Variants in SATB1 observed in about 807,000 individuals in gnomAD.
The protein encoded by SATB1 is DNA-binding protein SATB1.
SATB1 carries 11 observed loss-of-function variants against 86.9 expected under a neutral mutation model. The ratio of observed to expected loss-of-function variants is 0.13; its 90% CI spans 0.08 to 0.21. SATB1 has a LOEUF of 0.21. Ranked by LOEUF, SATB1 falls within the 10% of genes least tolerant of loss-of-function variation. The pLI is 1.00. For missense variants in SATB1, 551 were observed against 937.6 expected (o/e 0.59, Z 5.39); for synonymous variants, 357 against 357.2 (o/e 1.00, Z 0.01).
rs571054394 is a variant in SATB1 at position 18,346,868 on chromosome 3, T to G, written c.*2302A>C. 107 of 152,298 alleles carry G rather than the reference T, an allele frequency of 7.0e-4. No individual in the cohort carries two copies. Among genetic ancestry groups the G allele is most frequent in the African/African-American group, 2.5e-3 (106 of 41,580 alleles). 9.4% of individuals were successfully genotyped at this position (152,298 alleles called of 1,614,324 possible). On this transcript the variant is annotated 3_prime_UTR_variant, in exon 11 of 11. Coordinates refer to ENST00000338745, the MANE Select transcript of SATB1 (RefSeq NM_002971.6). ...GAGTTTCTATTTTATTTCCTATTTT[T>G]TAAATACATGAAACCTAGTTTCTAT...
chr3:18,414,476 C>A (rs1382596034), intron 5 of SATB1, among the ~76,000 whole-genome samples: 9 of 151,656 alleles, frequency 5.9e-5, no homozygotes, highest in African/African-American at 2.2e-4. Flanking sequence ...TTAAAAATCC[C>A]TGATGGTATA....
Position 18,348,969 on chromosome 3 carries a change from C to T in SATB1, c.*201G>A, listed in dbSNP as rs183014127. On this transcript the variant is annotated 3_prime_UTR_variant, in exon 11 of 11. Coordinates refer to ENST00000338745, the MANE Select transcript of SATB1 (RefSeq NM_002971.6). ...ACAATCCTTGATGCTTCACCTGGGG[C>T]TGCCAAGCAGTTTGTAAAACAGAGG... is the stretch of plus-strand genomic sequence containing the variant. 1 of 827,756 alleles carries T rather than the reference C, an allele frequency of 1.2e-6. No individual in the cohort carries two copies. The highest frequency in any genetic ancestry group is 1.8e-6 in the Non-Finnish European group (1 of 554,552). 51.3% of individuals were successfully genotyped at this position (827,756 alleles called of 1,614,324 possible). A position where few individuals can be genotyped will look rare whatever the true frequency, so the allele number is the denominator to read the frequency against.
At chr3:18,363,497 T>C (rs1327986735) in intron 9 of SATB1, among the ~76,000 whole-genome samples, 1 of 152,136 alleles carries the variant, frequency 6.6e-6, no homozygotes, top group Admixed American at 6.5e-5. Context: ...ACTGTCTCAA[T>C]CACTCCTCTG....
chr3:18,378,031 A>G, intron 9 of SATB1, 139 bp downstream of exon 9: 1 of 743,788 alleles, frequency 1.3e-6, no homozygotes, highest in Non-Finnish European at 2.0e-6. Context: ...ATATTGTTTC[A>G]TTTTAGAGCT....
At chr3:18,390,387 G>A (rs1406404629) in intron 7 of SATB1, among the ~76,000 whole-genome samples, 1 of 152,206 alleles carries the variant, frequency 6.6e-6, no homozygotes, top group East Asian at 1.9e-4. Context: ...CCTATGTCCA[G>A]GTAAAAGACT....
At chr3:18,439,474 A>G (rs1463476981), upstream of SATB1, among the ~76,000 whole-genome samples, 1 of 152,240 alleles carries the variant, frequency 6.6e-6, no homozygotes, top group African/African-American at 2.4e-5. Context: ...CATTGGCATA[A>G]GTTCAAAAGT....
intron 8 of SATB1, among the ~76,000 whole-genome samples, chr3:18,380,235 A>G (rs145305851): frequency 6.6e-6 from 1 of 152,340 alleles, no homozygotes; most frequent in African/African-American, 2.4e-5. Flanking sequence ...CACCAAGTCC[A>G]GTGCACTGAA....
intron 9 of SATB1, among the ~76,000 whole-genome samples, chr3:18,363,806 A>G (rs1695043666): frequency 6.6e-6 from 1 of 152,196 alleles, no homozygotes; most frequent in African/African-American, 2.4e-5. Flanking sequence ...GTGAGGTAAG[A>G]ACCACTTAAA....
At chr3:18,371,309 G>C (rs1207203249) in intron 9 of SATB1, among the ~76,000 whole-genome samples, 3 of 152,052 alleles carry the variant, frequency 2.0e-5, no homozygotes, top group Admixed American at 6.5e-5. Flanking sequence ...TTCATAAATG[G>C]TTTACAACTT....
At chr3:18,374,131 C>T (rs1453465804) in intron 9 of SATB1, among the ~76,000 whole-genome samples, 1 of 152,150 alleles carries the variant, frequency 6.6e-6, no homozygotes, top group Non-Finnish European at 1.5e-5. Context: ...ATCAATGTAA[C>T]AATTCAGTAT....
At position 18,386,320 on chromosome 3, in the gene SATB1, T is replaced by C; in HGVS notation, c.1419+79A>G. 5.5e-6 allele frequency: 6 copies of C among 1,092,420 alleles called. No individual in the cohort carries two copies. Among genetic ancestry groups the C allele is most frequent in the Non-Finnish European group, 8.2e-6 (6 of 734,604 alleles). 67.7% of individuals were successfully genotyped at this position (1,092,420 alleles called of 1,614,324 possible). On this transcript the variant is annotated intron_variant, in intron 8 of 10. Coordinates refer to ENST00000338745, the MANE Select transcript of SATB1 (RefSeq NM_002971.6). The surrounding 1 kb of genome is among the most constrained non-coding windows in gnomAD (Gnocchi z 4.5). ...ATATAAATCTATGTATCTATCTATC[T>C]AATTTCTTATTGAGATTCTTCCTCA...
upstream of SATB1, among the ~76,000 whole-genome samples, chr3:18,425,794 C>G (rs1473139284): frequency 7.4e-6 from 1 of 135,692 alleles, no homozygotes; most frequent in Non-Finnish European, 1.6e-5. Context: ...GCGCGGGCGG[C>G]AGGGGCAGGT....
chr3:18,392,407 G>C (rs908040524), intron 7 of SATB1, among the ~76,000 whole-genome samples: 1 of 152,074 alleles, frequency 6.6e-6, no homozygotes, highest in South Asian at 2.1e-4. Context: ...AAGGAGAAAA[G>C]CTGTAATGAT....
chr3:18,413,892 C>A (rs80068811), intron 5 of SATB1, among the ~76,000 whole-genome samples: 3 of 152,024 alleles, frequency 2.0e-5, no homozygotes, highest in African/African-American at 7.2e-5. Context: ...AGTGTTGGAA[C>A]GTAACTTAGC....
chr3:18,360,258 C>T (rs1260327440), intron 9 of SATB1, among the ~76,000 whole-genome samples: 1 of 152,080 alleles, frequency 6.6e-6, no homozygotes, highest in Non-Finnish European at 1.5e-5. Flanking sequence ...TTGTGATATC[C>T]TTGTAAATCA....
upstream of SATB1, among the ~76,000 whole-genome samples, chr3:18,438,931 C>T (rs748110824): frequency 2.0e-5 from 3 of 152,190 alleles, no homozygotes; most frequent in Non-Finnish European, 2.9e-5. Flanking sequence ...AGCATTTCAG[C>T]CTCATCTGGG....
upstream of SATB1, among the ~76,000 whole-genome samples, chr3:18,429,477 A>G (rs978516742): frequency 1.3e-5 from 2 of 152,234 alleles, no homozygotes; most frequent in African/African-American, 4.8e-5. The surrounding 1 kb of genome is among the most constrained non-coding windows in gnomAD (Gnocchi z 4.1). Context: ...AGAAGTTTGC[A>G]GTATTTGTAT....
intron 9 of SATB1, chr3:18,353,044 T>C (rs1359188728): frequency 6.6e-6 from 1 of 152,178 alleles, no homozygotes; most frequent in Non-Finnish European, 1.5e-5. Flanking sequence ...CACTAAACAA[T>C]GGAGTGAAGG....
At chr3:18,428,200 G>C (rs1273416349), upstream of SATB1, among the ~76,000 whole-genome samples, 2 of 152,152 alleles carry the variant, frequency 1.3e-5, no homozygotes, top group Non-Finnish European at 2.9e-5. Flanking sequence ...TTCCTAGTGG[G>C]AGTTCTCTGC....
Sources: allele counts gnomAD v4.1 joint callset (sites outside exome capture counted in the v4.1 genomes callset), GRCh38; gene constraint gnomAD v4.1.1; non-coding constraint Gnocchi (gnomAD v3.1); transcripts MANE v1.5; gene names NCBI Gene and HGNC (gene_info 2026-07-23, HGNC 2026-07-21).